MAP2: variants seen among roughly 807,000 people sequenced by gnomAD.
MAP2 encodes microtubule-associated protein 2.
Under a neutral mutation model 137.6 loss-of-function variants are expected in MAP2, and 14 were observed. The observed-to-expected ratio is 0.10, with a 90% CI of 0.07 to 0.16. The LOEUF (loss-of-function observed/expected upper bound fraction) is 0.16, where lower values mean the gene tolerates loss of function less well. MAP2 is among the 10% of genes least tolerant of loss of function. The pLI, the probability that MAP2 is intolerant of heterozygous loss-of-function variation, is 1.00. For missense variants in MAP2, 2,088 were observed against 2,191.5 expected, an observed-to-expected ratio of 0.95 and a Z score of 0.94; for synonymous variants, 786 against 782.3, an observed-to-expected ratio of 1.00 and a Z score of -0.08.
At chr2:209,453,825 C>T (rs1170331174) in intron 1 of MAP2, among the ~76,000 whole-genome samples, 1 of 151,866 alleles carries the variant, frequency 6.6e-6, no homozygotes, top group African/African-American at 2.4e-5. Flanking sequence ...ACACAGATGG[C>T]ACTATATGAT....
chr2:209,697,680 A>G (rs558739403), intron 10 of MAP2, among the ~76,000 whole-genome samples: 45 of 152,324 alleles, frequency 3.0e-4, no homozygotes, highest in African/African-American at 9.9e-4. Context: ...ACTCTACTGA[A>G]CTACATCTCT....
intron 5 of MAP2, among the ~76,000 whole-genome samples, chr2:209,666,185 A>G (rs926883938): frequency 1.3e-5 from 2 of 152,158 alleles, no homozygotes; most frequent in Non-Finnish European, 2.9e-5. Context: ...TTCGAGCTTT[A>G]CTGGAACACA....
At chr2:209,669,114 T>C (rs1235283854) in intron 5 of MAP2, among the ~76,000 whole-genome samples, 2 of 152,044 alleles carry the variant, frequency 1.3e-5, no homozygotes, top group African/African-American at 2.4e-5. Flanking sequence ...GTATAGAAAA[T>C]GAACAGTCAC....
intron 3 of MAP2, among the ~76,000 whole-genome samples, chr2:209,604,034 T>C (rs564196138): frequency 7.2e-5 from 11 of 152,274 alleles, no homozygotes; most frequent in Non-Finnish European, 1.3e-4. Context: ...CCGGAGGATT[T>C]TGTTTTGCAT....
At chr2:209,490,242 AT>A (rs2058908343) in intron 1 of MAP2, among the ~76,000 whole-genome samples, 1 of 152,312 alleles carries the variant, frequency 6.6e-6, no homozygotes, top group African/African-American at 2.4e-5. Context: ...GGATTTTGTC[AT>A]CACCAGGCCT....
intron 5 of MAP2, among the ~76,000 whole-genome samples, chr2:209,677,640 A>T (rs909072555): frequency 6.6e-6 from 1 of 152,004 alleles, no homozygotes; most frequent in African/African-American, 2.4e-5. Flanking sequence ...AAGTTTTGTG[A>T]TTATGTGTTT....
At position 209,680,834 on chromosome 2, in the gene MAP2, C is replaced by T. The variant is rs762320943; in HGVS notation, c.454+7C>T. 1.2e-6 allele frequency: 2 copies of T among 1,612,070 alleles called. No homozygotes were observed. The highest frequency in any genetic ancestry group is 2.2e-5 in the South Asian group (2 of 90,964). On this transcript the variant is annotated splice_region_variant and intron_variant, in intron 7 of 15. Coordinates refer to ENST00000682079, the MANE Select transcript of MAP2 (RefSeq NM_001375505.1). ...ACTGTCACAGTGGAGGAAGGTAAGG[C>T]CTATTGGACTTTTCAGGGTTTGTCT...
At chr2:209,678,188 T>A (rs2052826281) in intron 5 of MAP2, among the ~76,000 whole-genome samples, 1 of 152,022 alleles carries the variant, frequency 6.6e-6, no homozygotes, top group African/African-American at 2.4e-5. Context: ...CCAATTACCT[T>A]CACATTGGAG....
intron 2 of MAP2, 28 bp from the exon 3 acceptor site, chr2:209,580,008 A>ATG (rs1162961129): frequency 6.6e-6 from 1 of 150,692 alleles, no homozygotes; most frequent in Non-Finnish European, 1.5e-5. Flanking sequence ...ATATATATAT[A>ATG]TATGTTTCTT....
At chr2:209,551,173 A>C (rs1157860336) in intron 2 of MAP2, among the ~76,000 whole-genome samples, 2 of 152,102 alleles carry the variant, frequency 1.3e-5, no homozygotes, top group Admixed American at 6.5e-5. Flanking sequence ...ATCCTTTTTT[A>C]TTAATGCTAT....
rs869139522 is a variant in MAP2, at chr2:209,660,385, A to ATT, written c.262+6978_262+6979dup. ...GTTATATACATTTATTGTTGCTGCA[A>ATT]TTTTTTTTTTTTTTTTTTTTTTTTT... is the stretch of plus-strand genomic sequence containing the variant. On this transcript the variant is annotated intron_variant, in intron 5 of 15. Transcript: ENST00000682079. 8.6e-4 allele frequency among the ~76,000 whole-genome samples: 55 copies of ATT among 64,264 alleles called. 2 individuals carry two copies. Among genetic ancestry groups the ATT allele is most frequent in the African/African-American group, 2.8e-3 (48 of 17,432 alleles). The allele number at this position is 64,264 out of a possible 152,430, so 42.2% of individuals were successfully genotyped here.
chr2:209,655,735 C>T (rs533402183), intron 5 of MAP2, among the ~76,000 whole-genome samples: 11 of 152,196 alleles, frequency 7.2e-5, no homozygotes, highest in Admixed American at 1.3e-4. Context: ...GGGATCTATA[C>T]ATCAGCTCAC....
At chr2:209,665,126 G>A (rs2045722710) in intron 5 of MAP2, among the ~76,000 whole-genome samples, 1 of 152,184 alleles carries the variant, frequency 6.6e-6, no homozygotes, top group African/African-American at 2.4e-5. Context: ...ATACTGTAGT[G>A]AAAGTATATG....
chr2:209,606,009 G>A (rs950513769), intron 3 of MAP2, among the ~76,000 whole-genome samples: 3 of 152,120 alleles, frequency 2.0e-5, no homozygotes, highest in Admixed American at 6.6e-5. Flanking sequence ...ATAGATAGAT[G>A]CATGTTCATG....
chr2:209,610,102 G>A (rs1201815729), intron 3 of MAP2, among the ~76,000 whole-genome samples: 1 of 152,018 alleles, frequency 6.6e-6, no homozygotes, highest in Non-Finnish European at 1.5e-5. Flanking sequence ...GAAGACATTG[G>A]GGAACTGACC....
chr2:209,616,673 G>T (rs958834530), intron 3 of MAP2, among the ~76,000 whole-genome samples: 1 of 149,956 alleles, frequency 6.7e-6, no homozygotes, highest in Non-Finnish European at 1.5e-5. Flanking sequence ...CCAAACAAGG[G>T]GTGTAGTGTA....
At chr2:209,458,471 A>G (rs1032349129) in intron 1 of MAP2, among the ~76,000 whole-genome samples, 1 of 152,170 alleles carries the variant, frequency 6.6e-6, no homozygotes, top group Non-Finnish European at 1.5e-5. Flanking sequence ...GATTAAGATT[A>G]ACACCAACCA....
At chr2:209,490,312 A>G (rs2058920924) in intron 1 of MAP2, among the ~76,000 whole-genome samples, 1 of 152,170 alleles carries the variant, frequency 6.6e-6, no homozygotes, top group African/African-American at 2.4e-5. Context: ...GGTACCAGAC[A>G]CTGCAAAAAC....
intron 2 of MAP2, among the ~76,000 whole-genome samples, chr2:209,547,525 A>G (rs529383037): frequency 6.6e-6 from 1 of 152,292 alleles, no homozygotes; most frequent in South Asian, 2.1e-4. Context: ...TCTAACAAAG[A>G]AAAAAGTGAC....
Sources: allele counts gnomAD v4.1 joint callset (sites outside exome capture counted in the v4.1 genomes callset), GRCh38; gene constraint gnomAD v4.1.1; transcripts MANE v1.5; gene names NCBI Gene and HGNC (gene_info 2026-07-23, HGNC 2026-07-21).